TIAM2: variants seen among roughly 807,000 people sequenced by gnomAD.
TIAM2 encodes the protein TIAM Rac1 associated GEF 2, also known as rho guanine nucleotide exchange factor TIAM2.
TIAM2 carries 80 observed loss-of-function variants against 152.9 expected under a neutral mutation model. The ratio of observed to expected loss-of-function variants is 0.52; its 90% CI spans 0.44 to 0.63. The LOEUF (loss-of-function observed/expected upper bound fraction) is 0.63. TIAM2 is among the 30% of genes least tolerant of loss of function. The probability of loss-of-function intolerance (pLI) is 0.00; values close to 1 mark genes in which losing one functional copy is unlikely to be tolerated. For missense variants in TIAM2, 1,965 were observed against 2,120.1 expected, an observed-to-expected ratio of 0.93 and a Z score of 1.44; for synonymous variants, 804 against 838.0, an observed-to-expected ratio of 0.96 and a Z score of 0.70.
chr6:155,240,718 A>C lies in TIAM2; in HGVS notation c.3348+9A>C. The C allele has an allele frequency of 6.2e-7, 1 of 1,604,606 alleles. No individual in the cohort carries two copies. The highest frequency in any genetic ancestry group is 1.3e-5 in the African/African-American group (1 of 74,940). ...AGAAGTCCTACGTGAAGGTAAGGGA[A>C]GAGCTGGCATTTATGCATTCGTGCC... On this transcript the variant is annotated intron_variant, in intron 16 of 26. Transcript: ENST00000682666.
At chr6:155,025,560 C>T (rs1776585004) in intron 1 of TIAM2, among the ~76,000 whole-genome samples, 1 of 151,880 alleles carries the variant, frequency 6.6e-6, no homozygotes, top group African/African-American at 2.4e-5. Context: ...CTTAAGTGAT[C>T]CGCCCACCTC....
intron 9 of TIAM2, among the ~76,000 whole-genome samples, chr6:155,176,382 C>T (rs146409699): frequency 1.7e-3 from 254 of 152,242 alleles, no homozygotes; most frequent in African/African-American, 5.1e-3. Flanking sequence ...TACAGGCGCA[C>T]GTCAGCACAC....
At chr6:155,103,750 T>G (rs1387581624) in intron 2 of TIAM2, among the ~76,000 whole-genome samples, 1 of 132,384 alleles carries the variant, frequency 7.6e-6, no homozygotes, top group Non-Finnish European at 1.6e-5. Flanking sequence ...AAAAAAGGAA[T>G]TAGAGTAGGG....
intron 1 of TIAM2, among the ~76,000 whole-genome samples, chr6:155,009,486 GC>G (rs1778452733): frequency 6.6e-6 from 1 of 152,110 alleles, no homozygotes; most frequent in Non-Finnish European, 1.5e-5. Flanking sequence ...CTGATCTGGG[GC>G]CGCATTTGGA....
chr6:155,057,053 G>A (rs1777468583), intron 1 of TIAM2, among the ~76,000 whole-genome samples: 1 of 87,848 alleles, frequency 1.1e-5, no homozygotes, highest in African/African-American at 4.2e-5. Flanking sequence ...TTTTGAGATA[G>A]GGTCTTGCTT....
chr6:155,166,576 G>T (rs1359402526), intron 9 of TIAM2, among the ~76,000 whole-genome samples: 1 of 152,142 alleles, frequency 6.6e-6, no homozygotes, highest in Non-Finnish European at 1.5e-5. Flanking sequence ...ACCCACCTGG[G>T]CCTCCCAGAG....
intron 1 of TIAM2, among the ~76,000 whole-genome samples, chr6:155,035,023 A>G (rs990875698): frequency 2.6e-5 from 4 of 152,210 alleles, no homozygotes; most frequent in Non-Finnish European, 4.4e-5. Flanking sequence ...TTAAAATTGT[A>G]TTTCAGTAAA....
intron 1 of TIAM2, among the ~76,000 whole-genome samples, chr6:155,057,540 A>ATTTT (rs1777481235): frequency 2.9e-5 from 2 of 68,740 alleles, no homozygotes; most frequent in African/African-American, 1.3e-4. Context: ...TCCATAATGT[A>ATTTT]CTTTTTTTTT....
In TIAM2 at chr6:155,047,661, GA is replaced by G. The variant is rs1777208125; in HGVS notation, c.-208-42627del. On this transcript the variant is annotated intron_variant, in intron 1 of 26. Coordinates refer to ENST00000682666, the MANE Select transcript of TIAM2 (RefSeq NM_012454.4). ...AGGCAGGGGTGGGGGGAGAGAGAGA[GA>G]GAGAGGAGAGAGAGAGAGAGAGAGA... Among the ~76,000 whole-genome samples, 11 of 93,648 alleles carry G rather than the reference GA, an allele frequency of 1.2e-4. No individual in the cohort carries two copies. In the South Asian group the frequency reaches 1.4e-3, roughly 12 times the overall value. The allele number at this position is 93,648 out of a possible 152,430, so 61.4% of individuals were successfully genotyped here. A position where few individuals can be genotyped will look rare whatever the true frequency, so the allele number is the denominator to read the frequency against.
chr6:155,066,542 A>G (rs1282401193), intron 1 of TIAM2, among the ~76,000 whole-genome samples: 1 of 152,128 alleles, frequency 6.6e-6, no homozygotes, highest in African/African-American at 2.4e-5. Context: ...GACTTCAACA[A>G]TTTTATGGTC....
intron 23 of TIAM2, 172 bp from the exon 24 acceptor site, chr6:155,252,776 T>G: frequency 1.7e-6 from 1 of 591,082 alleles, no homozygotes; most frequent in Non-Finnish European, 3.0e-6. Context: ...CCCTAGCATG[T>G]GAGGTCTTTG....
chr6:155,047,998 G>T (rs764471128), intron 1 of TIAM2, among the ~76,000 whole-genome samples: 1 of 151,936 alleles, frequency 6.6e-6, no homozygotes, highest in Non-Finnish European at 1.5e-5. Context: ...TGTCGCCCAG[G>T]CTGGAGTGCA....
chr6:155,134,101 G>A (rs752321911), intron 4 of TIAM2, among the ~76,000 whole-genome samples: 1 of 151,916 alleles, frequency 6.6e-6, no homozygotes, highest in Admixed American at 6.6e-5. Context: ...CTGATTATTC[G>A]ATTTGATGGA....
At chr6:155,078,139 G>A (rs1460189457) in intron 1 of TIAM2, among the ~76,000 whole-genome samples, 1 of 151,934 alleles carries the variant, frequency 6.6e-6, no homozygotes, top group Non-Finnish European at 1.5e-5. Context: ...GCTCCTCCTG[G>A]GCTCAAGTGA....
At chr6:155,130,790 C>T (rs1227758539) in intron 4 of TIAM2, among the ~76,000 whole-genome samples, 2 of 152,220 alleles carry the variant, frequency 1.3e-5, no homozygotes, top group South Asian at 2.1e-4. Flanking sequence ...TGGCTGCAGA[C>T]AGCCGCCTTC....
At chr6:155,065,185 C>T (rs1562305682) in intron 1 of TIAM2, among the ~76,000 whole-genome samples, 1 of 152,090 alleles carries the variant, frequency 6.6e-6, no homozygotes, top group African/African-American at 2.4e-5. Flanking sequence ...AACTGCTAAC[C>T]TCGGGTGATC....
At chr6:154,997,216 G>T (rs1231725015) in intron 1 of TIAM2, among the ~76,000 whole-genome samples, 2 of 152,138 alleles carry the variant, frequency 1.3e-5, no homozygotes, top group Non-Finnish European at 2.9e-5. Flanking sequence ...AATTACCCAC[G>T]CATTCTTAAT....
chr6:155,152,863 A>AT (rs1401367229), intron 7 of TIAM2, among the ~76,000 whole-genome samples: 2 of 152,092 alleles, frequency 1.3e-5, no homozygotes, highest in Non-Finnish European at 2.9e-5. Flanking sequence ...CTAAGCAGAC[A>AT]TTTTTTTAAA....
chr6:155,118,510 G>A (rs1042109613), intron 2 of TIAM2, among the ~76,000 whole-genome samples: 2 of 140,330 alleles, frequency 1.4e-5, no homozygotes, highest in Admixed American at 8.1e-5. Flanking sequence ...TTGACTCACC[G>A]CAACCTTTGC....
Sources: allele counts gnomAD v4.1 joint callset (sites outside exome capture counted in the v4.1 genomes callset), GRCh38; gene constraint gnomAD v4.1.1; transcripts MANE v1.5; gene names NCBI Gene and HGNC (gene_info 2026-07-23, HGNC 2026-07-21).